GRID2: variants seen among roughly 807,000 people sequenced by gnomAD.
GRID2 encodes glutamate ionotropic receptor delta type subunit 2.
Under a neutral mutation model 114.8 loss-of-function variants are expected in GRID2, and 33 were observed. The ratio of observed to expected loss-of-function variants is 0.29; its 90% CI spans 0.22 to 0.38. GRID2 has a LOEUF of 0.38. GRID2 is among the 10% of genes least tolerant of loss of function. The pLI, the probability that GRID2 is intolerant of heterozygous loss-of-function variation, is 1.00. For synonymous variants in GRID2, 505 were observed against 449.9 expected, an observed-to-expected ratio of 1.12 and a Z score of -1.55; for missense variants, 1,184 against 1,257.7, an observed-to-expected ratio of 0.94 and a Z score of 0.89.
chr4:92,567,897 C>G (rs564715639), intron 1 of GRID2, among the ~76,000 whole-genome samples: 1 of 152,130 alleles, frequency 6.6e-6, no homozygotes, highest in Admixed American at 6.6e-5. Flanking sequence ...AACAAAACCC[C>G]TTGCCCTCAT....
chr4:93,224,378 A>C (rs1477409945), intron 6 of GRID2, among the ~76,000 whole-genome samples: 1 of 152,050 alleles, frequency 6.6e-6, no homozygotes, highest in Admixed American at 6.6e-5. Flanking sequence ...TCCTTTTTTA[A>C]TCTTCTCTTT....
At chr4:93,121,955 C>G (rs1166894783) in intron 4 of GRID2, among the ~76,000 whole-genome samples, 1 of 151,946 alleles carries the variant, frequency 6.6e-6, no homozygotes, top group Non-Finnish European at 1.5e-5. Flanking sequence ...AAGTTATAGT[C>G]CCCCCTTCTT....
intron 2 of GRID2, among the ~76,000 whole-genome samples, chr4:92,628,363 G>GTTGTT (rs574635865): frequency 9.9e-5 from 15 of 151,932 alleles, no homozygotes; most frequent in Non-Finnish European, 1.8e-4. Context: ...TTTGTTTTGT[G>GTTGTT]TTGTTTTGTT....
In GRID2 at chr4:92,937,237, C is replaced by T. The variant is rs548860597; in HGVS notation, c.245-147758C>T. Among the ~76,000 whole-genome samples the T allele has an allele frequency of 9.5e-5, 14 of 146,604 alleles. 3 individuals carry two copies. The highest frequency in any genetic ancestry group is 1.8e-4 in the Non-Finnish European group (12 of 66,248). ...ATTTTTCTTTCATTGCTCATACTTT[C>T]GGTGTCAGATCTGAGATATTATTAC... On this transcript the variant is annotated intron_variant, in intron 2 of 15. Transcript: ENST00000282020.
In GRID2 at chr4:92,567,025, C is replaced by T. The variant is rs114030223; in HGVS notation, c.89-23106C>T. Among the ~76,000 whole-genome samples the T allele has an allele frequency of 7.5e-3, 1,147 of 152,114 alleles. 12 individuals carry two copies. Among genetic ancestry groups the T allele is most frequent in the African/African-American group, 0.026 (1,093 of 41,526 alleles). On this transcript the variant is annotated intron_variant, in intron 1 of 15. Coordinates refer to ENST00000282020, the MANE Select transcript of GRID2 (RefSeq NM_001510.4). ...GGTTTTATTCAGTTAGTATCTTTTT[C>T]TAAATAGTTACACCTTAAAAGTTTA...
At chr4:92,896,525 C>T (rs2149475566) in intron 2 of GRID2, among the ~76,000 whole-genome samples, 1 of 151,186 alleles carries the variant, frequency 6.6e-6, no homozygotes, top group Non-Finnish European at 1.5e-5. Context: ...ATGAGATCTT[C>T]AGTTGTTTAA....
At chr4:93,704,947 C>G (rs1727859011) in intron 14 of GRID2, among the ~76,000 whole-genome samples, 1 of 152,106 alleles carries the variant, frequency 6.6e-6, no homozygotes, top group Non-Finnish European at 1.5e-5. Context: ...ATACTGTTTT[C>G]CTCTCCTTTG....
At chr4:92,896,962 G>A (rs763436041) in intron 2 of GRID2, among the ~76,000 whole-genome samples, 5 of 151,914 alleles carry the variant, frequency 3.3e-5, no homozygotes, top group African/African-American at 1.2e-4. Flanking sequence ...GGCTGATCTC[G>A]AACTCCTGAC....
At chr4:92,933,831 AG>A (rs1750425541) in intron 2 of GRID2, among the ~76,000 whole-genome samples, 1 of 151,616 alleles carries the variant, frequency 6.6e-6, no homozygotes, top group African/African-American at 2.4e-5. Context: ...ATGCTTCAAA[AG>A]CCCCCTATTT....
At chr4:92,761,325 T>C (rs1459374221) in intron 2 of GRID2, among the ~76,000 whole-genome samples, 1 of 152,168 alleles carries the variant, frequency 6.6e-6, no homozygotes, top group Non-Finnish European at 1.5e-5. Flanking sequence ...TTGATTAAAT[T>C]AGTATAGGAA....
chr4:93,697,300 A>G lies in GRID2; in HGVS notation c.2360+70865A>G, dbSNP rs535012351. ...AGTAGACTAGTTTGTGGGCTCTTAGAATCCTTCACACACTATGGTTGAAGT... is the reference window on the plus strand; with the variant it reads ...AGTAGACTAGTTTGTGGGCTCTTAGGATCCTTCACACACTATGGTTGAAGT... On this transcript the variant is annotated intron_variant, in intron 14 of 15. Coordinates refer to ENST00000282020, the MANE Select transcript of GRID2 (RefSeq NM_001510.4). Among the ~76,000 whole-genome samples, 4 of 152,284 alleles carry G rather than the reference A, an allele frequency of 2.6e-5. No homozygotes were observed. In the South Asian group the frequency reaches 8.3e-4, roughly 32 times the overall value.
chr4:93,186,495 G>GA (rs1740434712), intron 4 of GRID2, among the ~76,000 whole-genome samples: 1 of 151,950 alleles, frequency 6.6e-6, no homozygotes. Context: ...TGTGTACTCA[G>GA]AAAAAAAGTG....
intron 4 of GRID2, among the ~76,000 whole-genome samples, chr4:93,166,767 G>T (rs1331612437): frequency 6.6e-6 from 1 of 152,084 alleles, no homozygotes; most frequent in Admixed American, 6.6e-5. Context: ...CTCTGTGCTT[G>T]GTCTGAGGCT....
chr4:92,683,668 T>C (rs1428289983), intron 2 of GRID2, among the ~76,000 whole-genome samples: 1 of 151,570 alleles, frequency 6.6e-6, no homozygotes, highest in East Asian at 1.9e-4. Context: ...TAAATTATTT[T>C]ATATTAAAAA....
chr4:92,871,408 T>C (rs1465755472), intron 2 of GRID2, among the ~76,000 whole-genome samples: 1 of 152,138 alleles, frequency 6.6e-6, no homozygotes, highest in Admixed American at 6.5e-5. Context: ...ATATGAAAAT[T>C]ATAACTTAAC....
intron 13 of GRID2, among the ~76,000 whole-genome samples, chr4:93,544,788 A>G (rs565984485): frequency 4.3e-3 from 647 of 151,810 alleles, no homozygotes; most frequent in Non-Finnish European, 7.3e-3. Context: ...GAAAAAAAAA[A>G]AAAGAAAAAA....
chr4:93,091,256 A>G (rs967038153), intron 3 of GRID2, among the ~76,000 whole-genome samples: 1 of 152,136 alleles, frequency 6.6e-6, no homozygotes, highest in Non-Finnish European at 1.5e-5. Flanking sequence ...GAATAGTGGC[A>G]GAGAAGGTAT....
At chr4:92,923,129 A>T (rs1343122144) in intron 2 of GRID2, among the ~76,000 whole-genome samples, 1 of 152,214 alleles carries the variant, frequency 6.6e-6, no homozygotes, top group Non-Finnish European at 1.5e-5. Flanking sequence ...CATGAAATGC[A>T]ATAGTGTTAT....
chr4:92,957,134 G>A (rs1368083202), intron 2 of GRID2, among the ~76,000 whole-genome samples: 3 of 151,998 alleles, frequency 2.0e-5, no homozygotes, highest in Non-Finnish European at 4.4e-5. Flanking sequence ...ATCTTTCACA[G>A]AGCAGAAATT....
Sources: allele counts gnomAD v4.1 joint callset (sites outside exome capture counted in the v4.1 genomes callset), GRCh38; gene constraint gnomAD v4.1.1; transcripts MANE v1.5; gene names NCBI Gene and HGNC (gene_info 2026-07-23, HGNC 2026-07-21).